The following ARHGAP15 variants were observed in gnomAD, a reference collection of about 807,000 sequenced individuals.
ARHGAP15 encodes Rho GTPase activating protein 15, also known as rho GTPase-activating protein 15.
ARHGAP15 carries 51 observed loss-of-function variants against 63.7 expected under a neutral mutation model. The ratio of observed to expected loss-of-function variants is 0.80; its 90% CI spans 0.64 to 1.01. The LOEUF (loss-of-function observed/expected upper bound fraction) is 1.01. ARHGAP15 is among the 50% of genes least tolerant of loss of function. ARHGAP15 has a pLI of 0.00. For synonymous variants in ARHGAP15, 191 were observed against 193.8 expected (o/e 0.99, Z 0.12); for missense variants, 560 against 564.6 (o/e 0.99, Z 0.08).
At chr2:143,228,345 G>T (rs1217522986) in intron 4 of ARHGAP15, among the ~76,000 whole-genome samples, 1 of 151,990 alleles carries the variant, frequency 6.6e-6, no homozygotes, top group Non-Finnish European at 1.5e-5. Context: ...ATATTAGGAG[G>T]ATCTATAAAT....
At chr2:143,703,287 T>G in intron 12 of ARHGAP15, 132 bp from the exon 13 acceptor site, 1 of 592,108 alleles carries the variant, frequency 1.7e-6, no homozygotes, top group South Asian at 2.3e-5. Context: ...GTCCACCTAT[T>G]CCCTTTGACT....
At chr2:143,572,286 G>T (rs1036120713) in intron 11 of ARHGAP15, among the ~76,000 whole-genome samples, 1 of 152,112 alleles carries the variant, frequency 6.6e-6, no homozygotes, top group African/African-American at 2.4e-5. Flanking sequence ...ACCCACCTGT[G>T]TGTGCCTTTG....
chr2:143,645,671 G>C (rs536397732), intron 12 of ARHGAP15, among the ~76,000 whole-genome samples: 139 of 151,994 alleles, frequency 9.1e-4, no homozygotes, highest in African/African-American at 3.3e-3. Flanking sequence ...CTTTTGAATG[G>C]TAGGGAACAT....
At chr2:143,717,735 C>T (rs1684871000) in intron 13 of ARHGAP15, among the ~76,000 whole-genome samples, 1 of 152,144 alleles carries the variant, frequency 6.6e-6, no homozygotes, top group African/African-American at 2.4e-5. Flanking sequence ...ATCCTTGTCA[C>T]ACCATGAACA....
intron 2 of ARHGAP15, 69 bp downstream of exon 2, chr2:143,155,724 C>T: frequency 7.2e-7 from 1 of 1,395,484 alleles, no homozygotes; most frequent in South Asian, 1.5e-5. Context: ...AAAAAAAAAG[C>T]TAATTAGTCT....
intron 6 of ARHGAP15, among the ~76,000 whole-genome samples, chr2:143,325,061 AT>A (rs972618432): frequency 2.0e-5 from 3 of 152,190 alleles, no homozygotes; most frequent in Admixed American, 2.0e-4. Context: ...ATGAATCACA[AT>A]TTTTTTCAGA....
intron 10 of ARHGAP15, among the ~76,000 whole-genome samples, chr2:143,543,461 C>T (rs1695192922): frequency 6.6e-6 from 1 of 151,936 alleles, no homozygotes; most frequent in Non-Finnish European, 1.5e-5. Flanking sequence ...AACATCCTGT[C>T]AAATGTATAT....
chr2:143,468,269 TTGTA>T (rs1446098989), intron 8 of ARHGAP15, among the ~76,000 whole-genome samples: 1 of 152,090 alleles, frequency 6.6e-6, no homozygotes, highest in African/African-American at 2.4e-5. Context: ...GGAATTCTGT[TTGTA>T]GTCAACTTTT....
rs183835343 is a variant in ARHGAP15, at chr2:143,733,809, C to A, written c.1244+30285C>A. Among the ~76,000 whole-genome samples, 11 of 152,186 alleles carry A rather than the reference C, an allele frequency of 7.2e-5. No homozygotes were observed. The East Asian group carries it at 1.9e-3, about 27-fold the overall frequency. On this transcript the variant is annotated intron_variant, in intron 13 of 13. Transcript: ENST00000295095. ...AAAAAAGTGTGTGTTTTGGGGAGGA[C>A]TTGGGGGAATATGTACAATACCTAA...
intron 13 of ARHGAP15, among the ~76,000 whole-genome samples, chr2:143,756,122 T>C (rs1686567098): frequency 6.6e-6 from 1 of 152,228 alleles, no homozygotes. Flanking sequence ...AAAGATTTTA[T>C]GTAGGCGCCC....
intron 12 of ARHGAP15, among the ~76,000 whole-genome samples, chr2:143,652,980 C>T (rs753824393): frequency 4.6e-5 from 7 of 151,966 alleles, no homozygotes; most frequent in Non-Finnish European, 7.4e-5. Flanking sequence ...CTGTCCTGTT[C>T]TCTTCTTTAG....
chr2:143,376,465 C>T (rs1686812615), intron 6 of ARHGAP15, among the ~76,000 whole-genome samples: 1 of 152,148 alleles, frequency 6.6e-6, no homozygotes, highest in African/African-American at 2.4e-5. Context: ...GAAAACGAAG[C>T]TTCCAAAATC....
At chr2:143,403,254 T>C (rs926767529) in intron 6 of ARHGAP15, among the ~76,000 whole-genome samples, 4 of 151,834 alleles carry the variant, frequency 2.6e-5, no homozygotes, top group African/African-American at 9.7e-5. Flanking sequence ...TTTCTAGTCT[T>C]GTATTAATTT....
chr2:143,720,999 G>A (rs1422723794), intron 13 of ARHGAP15, among the ~76,000 whole-genome samples: 1 of 146,666 alleles, frequency 6.8e-6, no homozygotes, highest in African/African-American at 2.5e-5. Context: ...CTGGGAGGTG[G>A]AGCTTGCAGT....
In ARHGAP15 at chr2:143,522,244, A is replaced by T. The variant is rs1694088804; in HGVS notation, c.925+2880A>T. On this transcript the variant is annotated intron_variant, in intron 10 of 13. Transcript: ENST00000295095. ...CTACCAGAGCATTCTCCTTCTCACC[A>T]ACTATTATAACTAGATTAACTTCAT... is the stretch of plus-strand genomic sequence containing the variant. Among the ~76,000 whole-genome samples the T allele has an allele frequency of 3.3e-5, 5 of 152,124 alleles. No homozygotes were observed. The South Asian group carries it at 1.0e-3, about 32-fold the overall frequency.
chr2:143,670,999 C>T (rs897482176), intron 12 of ARHGAP15, among the ~76,000 whole-genome samples: 1 of 152,148 alleles, frequency 6.6e-6, no homozygotes, highest in Non-Finnish European at 1.5e-5. Context: ...TTTCATTACA[C>T]TACACCTCCT....
chr2:143,685,786 A>G (rs1041064710), intron 12 of ARHGAP15, among the ~76,000 whole-genome samples: 8 of 152,178 alleles, frequency 5.3e-5, no homozygotes, highest in Admixed American at 6.6e-5. Context: ...AAGCCCACTT[A>G]ATGTCTGCTT....
At chr2:143,691,539 T>C (rs1683600092) in intron 12 of ARHGAP15, among the ~76,000 whole-genome samples, 1 of 152,184 alleles carries the variant, frequency 6.6e-6, no homozygotes, top group Non-Finnish European at 1.5e-5. Context: ...AAAATGGCTA[T>C]TATTGGTTAT....
At chr2:143,326,763 T>C (rs1684270792) in intron 6 of ARHGAP15, among the ~76,000 whole-genome samples, 1 of 152,168 alleles carries the variant, frequency 6.6e-6, no homozygotes, top group Non-Finnish European at 1.5e-5. Flanking sequence ...ATGGGTCTTA[T>C]CTCAAAATAA....
Sources: allele counts gnomAD v4.1 joint callset (sites outside exome capture counted in the v4.1 genomes callset), GRCh38; gene constraint gnomAD v4.1.1; transcripts MANE v1.5; gene names NCBI Gene and HGNC (gene_info 2026-07-23, HGNC 2026-07-21).